SPTSSB: variants seen among roughly 807,000 people sequenced by gnomAD.
SPTSSB encodes androgen down regulated in mouse prostate.
A neutral mutation model predicts 7.7 loss-of-function variants in SPTSSB; 6 were observed. The observed-to-expected ratio is 0.78, with a 90% CI of 0.43 to 1.54. The LOEUF (loss-of-function observed/expected upper bound fraction) is 1.54. Among genes scored for constraint, SPTSSB ranks in the 40% most tolerant of loss-of-function variants. The pLI, the probability that SPTSSB is intolerant of heterozygous loss-of-function variation, is 0.01. For missense variants in SPTSSB, 91 were observed against 93.0 expected, an observed-to-expected ratio of 0.98 and a Z score of 0.09; for synonymous variants, 28 against 29.7, an observed-to-expected ratio of 0.94 and a Z score of 0.19.
intron 1 of SPTSSB, among the ~76,000 whole-genome samples, chr3:161,364,508 T>C (rs1439496603): frequency 6.6e-6 from 1 of 152,138 alleles, no homozygotes; most frequent in Non-Finnish European, 1.5e-5. Context: ...GCTTTTCATC[T>C]CATTTAGTTG....
Position 161,371,376 on chromosome 3 carries a change from G to A in SPTSSB, c.-126+59C>T, listed in dbSNP as rs1715502132. On this transcript the variant is annotated intron_variant, in intron 1 of 2. Coordinates refer to ENST00000620149, the MANE Select transcript of SPTSSB (RefSeq NM_001040100.2). ...TAATTTTTTCCTCCTATAGAGACAG[G>A]AATTCTATCCTACTAAAGCTACTTA... 6.2e-6 allele frequency: 6 copies of A among 974,114 alleles called. No homozygotes were observed. The South Asian group carries it at 2.8e-4, about 46-fold the overall frequency. 60.3% of individuals were successfully genotyped at this position (974,114 alleles called of 1,614,324 possible).
intron 1 of SPTSSB, among the ~76,000 whole-genome samples, chr3:161,369,830 G>A (rs1429703447): frequency 6.6e-6 from 1 of 152,200 alleles, no homozygotes; most frequent in Non-Finnish European, 1.5e-5. Context: ...CTCAACTGGA[G>A]AGGGTGGGGA....
chr3:161,346,890 A>G (rs1415946217), intron 2 of SPTSSB, among the ~76,000 whole-genome samples: 1 of 152,222 alleles, frequency 6.6e-6, no homozygotes, highest in African/African-American at 2.4e-5. Flanking sequence ...AGAAGGGAGC[A>G]GGGAGTGTGA....
At chr3:161,369,286 TTTTCTTTC>T (rs149388545) in intron 1 of SPTSSB, among the ~76,000 whole-genome samples, 2,851 of 109,446 alleles carry the variant, frequency 0.026, 161 homozygotes, top group East Asian at 0.049. Flanking sequence ...TCTTTCTTTC[TTTTCTTTC>T]TTTCTTTCTT....
chr3:161,359,902 A>G lies in SPTSSB; in HGVS notation c.-125-8T>C, dbSNP rs1326119235. 9.4e-6 allele frequency: 5 copies of G among 531,104 alleles called. No homozygotes were observed. The highest frequency in any genetic ancestry group is 1.2e-5 in the Non-Finnish European group (5 of 415,118). 32.9% of individuals were successfully genotyped at this position (531,104 alleles called of 1,614,324 possible). A position where few individuals can be genotyped will look rare whatever the true frequency, so the allele number is the denominator to read the frequency against. Reference sequence around the variant, plus strand: ...GGGTTGCTGTTTCCTCATCTGCAAAATAAAGATTTGAATTAAATAAACCAA... The same window carrying G: ...GGGTTGCTGTTTCCTCATCTGCAAAGTAAAGATTTGAATTAAATAAACCAA... On this transcript the variant is annotated splice_polypyrimidine_tract_variant and splice_region_variant and intron_variant, in intron 1 of 2. Coordinates refer to ENST00000620149, the MANE Select transcript of SPTSSB (RefSeq NM_001040100.2).
intron 2 of SPTSSB, among the ~76,000 whole-genome samples, chr3:161,349,821 CT>C (rs1410041227): frequency 2.0e-5 from 3 of 152,180 alleles, no homozygotes; most frequent in Non-Finnish European, 4.4e-5. Context: ...TATTTCATAA[CT>C]GGGAATGCAG....
chr3:161,352,475 A>T (rs1184652658), intron 2 of SPTSSB, among the ~76,000 whole-genome samples: 1 of 152,206 alleles, frequency 6.6e-6, no homozygotes, highest in Non-Finnish European at 1.5e-5. Flanking sequence ...ATGTGTTACC[A>T]TTGTAGCAAC....
rs1714216834 is a variant in SPTSSB, at chr3:161,346,162, T to C, written c.162A>G (p.Pro54=). 3.1e-6 allele frequency: 5 copies of C among 1,612,866 alleles called. No individual in the cohort carries two copies. The East Asian group carries it at 1.1e-4, about 36-fold the overall frequency. ...MVVYTAYVFI[P]IHIRLAWEFF... ...ATTCCCAAGCCAGGCGAATGTGGAT[T>C]GGAATAAAGACATAGGCAGTGTATA... The change falls in exon 3 of 3, where the codon CCA becomes CCG. Residue 54 remains proline (P), a synonymous_variant. Coordinates refer to ENST00000620149, the MANE Select transcript of SPTSSB (RefSeq NM_001040100.2).
intron 1 of SPTSSB, among the ~76,000 whole-genome samples, chr3:161,368,883 T>C (rs1362242995): frequency 6.6e-6 from 1 of 152,258 alleles, no homozygotes; most frequent in African/African-American, 2.4e-5. Flanking sequence ...GTAGTATGTA[T>C]CAGCCACATG....
At chr3:161,357,512 G>A (rs1240377003) in intron 2 of SPTSSB, among the ~76,000 whole-genome samples, 2 of 152,090 alleles carry the variant, frequency 1.3e-5, no homozygotes, top group Non-Finnish European at 2.9e-5. Context: ...AAGGCCAGAG[G>A]GAATCTTCCA....
intron 1 of SPTSSB, among the ~76,000 whole-genome samples, chr3:161,370,596 GTA>G (rs906948821): frequency 2.0e-5 from 3 of 152,186 alleles, no homozygotes; most frequent in African/African-American, 7.2e-5. Context: ...TTCAAAATAA[GTA>G]CTGCACCACA....
chr3:161,358,797 A>G (rs1228160633), intron 2 of SPTSSB, among the ~76,000 whole-genome samples: 2 of 152,240 alleles, frequency 1.3e-5, no homozygotes, highest in Non-Finnish European at 2.9e-5. Context: ...AATACCTTAC[A>G]GTGTTCTGCA....
chr3:161,347,508 C>T (rs570994837), intron 2 of SPTSSB, among the ~76,000 whole-genome samples: 2 of 152,032 alleles, frequency 1.3e-5, no homozygotes, highest in South Asian at 4.1e-4. Flanking sequence ...GTGATCTGCC[C>T]GCCTCAGCCT....
chr3:161,360,964 C>T (rs1305373275), intron 1 of SPTSSB, among the ~76,000 whole-genome samples: 1 of 152,128 alleles, frequency 6.6e-6, no homozygotes, highest in East Asian at 1.9e-4. Context: ...AATATGGTGT[C>T]ACAGATGAGA....
chr3:161,346,042 C>T lies in SPTSSB; in HGVS notation c.*51G>A, dbSNP rs1375510197. 5.3e-6 allele frequency: 5 copies of T among 948,118 alleles called. No individual in the cohort carries two copies. The Admixed American group carries it at 8.9e-5, about 17-fold the overall frequency. The allele number at this position is 948,118 out of a possible 1,614,324, so 58.7% of individuals were successfully genotyped here. ...CACAATAGTTACCTAAATCAATAAG[C>T]TGTAAGCAACATATAAATATGCAAT... is the stretch of plus-strand genomic sequence containing the variant. On this transcript the variant is annotated 3_prime_UTR_variant, in exon 3 of 3. Transcript: ENST00000620149.
At chr3:161,357,480 A>C (rs1400831927) in intron 2 of SPTSSB, among the ~76,000 whole-genome samples, 2 of 152,196 alleles carry the variant, frequency 1.3e-5, no homozygotes, top group Non-Finnish European at 2.9e-5. Context: ...CCTCTGAATA[A>C]AGCTGGCTTG....
In SPTSSB at chr3:161,359,844, G is replaced by A. The variant is rs1560105997; in HGVS notation, c.-75C>T. On this transcript the variant is annotated 5_prime_UTR_variant, in exon 2 of 3. Transcript: ENST00000620149. ...TGGTTCTTCAGCCTTGCTCCTTCACGAAATGATCCTGTGTGGGTTAGTTCT... is the reference window on the plus strand; with the variant it reads ...TGGTTCTTCAGCCTTGCTCCTTCACAAAATGATCCTGTGTGGGTTAGTTCT... The A allele has an allele frequency of 6.2e-6, 6 of 968,262 alleles. No individual in the cohort carries two copies. Among genetic ancestry groups the A allele is most frequent in the Middle Eastern group, 5.3e-4 (1 of 1,900 alleles). 60.0% of individuals were successfully genotyped at this position (968,262 alleles called of 1,614,324 possible).
At chr3:161,354,376 T>A (rs546601928) in intron 2 of SPTSSB, among the ~76,000 whole-genome samples, 5 of 152,248 alleles carry the variant, frequency 3.3e-5, no homozygotes, top group African/African-American at 4.8e-5. Context: ...AAGGTCTCGC[T>A]CTGTCACTTA....
chr3:161,368,391 C>A lies in SPTSSB; in HGVS notation c.-126+3044G>T, dbSNP rs143784374. Among the ~76,000 whole-genome samples the A allele has an allele frequency of 3.4e-3, 522 of 152,004 alleles. 3 individuals are homozygous for A. Among genetic ancestry groups the A allele is most frequent in the African/African-American group, 0.011 (461 of 41,440 alleles). ...CATCACCCCAAGAAGACACACTGTA[C>A]CCTTTAGTCACTCCCGTTTTCTCCC... On this transcript the variant is annotated intron_variant, in intron 1 of 2. Transcript: ENST00000620149.
Sources: allele counts gnomAD v4.1 joint callset (sites outside exome capture counted in the v4.1 genomes callset), GRCh38; gene constraint gnomAD v4.1.1; transcripts MANE v1.5; gene names NCBI Gene and HGNC (gene_info 2026-07-23, HGNC 2026-07-21).